CAPN3: variants seen among roughly 807,000 people sequenced by gnomAD.
CAPN3 encodes the protein calpain-3.
Under a neutral mutation model 114.0 loss-of-function variants are expected in CAPN3, and 88 were observed. The ratio of observed to expected loss-of-function variants is 0.77; its 90% CI spans 0.65 to 0.92. CAPN3 has a LOEUF of 0.92. Among genes scored for constraint, CAPN3 ranks in the 40% least tolerant of loss-of-function variants. CAPN3 has a pLI of 0.00. For synonymous variants in CAPN3, 386 were observed against 382.9 expected (o/e 1.01, Z -0.09); for missense variants, 1,028 against 1,069.0 (o/e 0.96, Z 0.53).
rs1358304887 is a variant in CAPN3, at chr15:42,409,341, G to T, written c.1953G>T (p.Gln651His). Residue 651 changes from glutamine to histidine, a missense_variant, in exon 17 of 24, where the codon CAG becomes CAT. By Grantham distance (24) the Gln-to-His change is conservative. Transcript: ENST00000397163. ...GCTCTGATCAGGAAAGTGAGGAACA[G>T]CAACAATTCCGGAACATTTTCAAGC... ...PGSSDQESEE[Q>H]QQFRNIFKQI... is the part of the protein sequence containing the mutation. 1 of 1,614,212 alleles carries T rather than the reference G, an allele frequency of 6.2e-7. No individual in the cohort carries two copies. The highest frequency in any genetic ancestry group is 8.5e-7 in the Non-Finnish European group (1 of 1,180,024).
chr15:42,378,694 T>G lies in CAPN3; in HGVS notation c.310-5789T>G, dbSNP rs371553242. ...TCTTTTCTTCTGCTTGCTTTAGGCT[T>G]AAGTATCTCTTCTATAGTGTACTAA... is the stretch of plus-strand genomic sequence containing the variant. On this transcript the variant is annotated intron_variant, in intron 1 of 23. Coordinates refer to ENST00000397163, the MANE Select transcript of CAPN3 (RefSeq NM_000070.3). Among the ~76,000 whole-genome samples, 287 of 152,228 alleles carry G rather than the reference T, an allele frequency of 1.9e-3. 1 individual carries two copies. Among genetic ancestry groups the G allele is most frequent in the African/African-American group, 6.5e-3 (270 of 41,568 alleles).
chr15:42,363,047 C>T (rs930389492), intron 1 of CAPN3, among the ~76,000 whole-genome samples: 1 of 152,066 alleles, frequency 6.6e-6, no homozygotes, highest in Non-Finnish European at 1.5e-5. Flanking sequence ...GAGAATTATT[C>T]CTGGCCAACT....
chr15:42,389,484 C>T (rs2053495020), intron 5 of CAPN3, among the ~76,000 whole-genome samples: 1 of 152,208 alleles, frequency 6.6e-6, no homozygotes, highest in Non-Finnish European at 1.5e-5. Flanking sequence ...ACCACACCTC[C>T]CCGCTTGAGA....
chr15:42,380,617 G>A (rs2053217189), intron 1 of CAPN3, among the ~76,000 whole-genome samples: 1 of 143,254 alleles, frequency 7.0e-6, no homozygotes, highest in Admixed American at 6.9e-5. Flanking sequence ...ATATATATAT[G>A]TATGTATATG....
intron 8 of CAPN3, among the ~76,000 whole-genome samples, chr15:42,394,944 T>G (rs926654472): frequency 2.0e-5 from 3 of 152,188 alleles, no homozygotes; most frequent in Admixed American, 6.5e-5. Context: ...GGTTCCTGAT[T>G]ACCTCCACTG....
At chr15:42,404,074 A>G in intron 14 of CAPN3, 1 of 540,724 alleles carries the variant, frequency 1.8e-6, no homozygotes, top group Non-Finnish European at 3.6e-6. Context: ...GGATGACAAG[A>G]GCCGCAGCGA....
chr15:42,371,646 G>C (rs1002199412), intron 1 of CAPN3, among the ~76,000 whole-genome samples: 5 of 152,104 alleles, frequency 3.3e-5, no homozygotes, highest in African/African-American at 4.8e-5. Flanking sequence ...CCCACCTTGT[G>C]ACTTGCCTCT....
Position 42,411,865 on chromosome 15 carries a change from C to T in CAPN3, c.*92C>T, listed in dbSNP as rs993772857. 1.2e-6 allele frequency: 2 copies of T among 1,607,930 alleles called. No individual in the cohort carries two copies. The highest frequency in any genetic ancestry group is 1.7e-5 in the Admixed American group (1 of 58,782). On this transcript the variant is annotated 3_prime_UTR_variant, in exon 24 of 24. Transcript: ENST00000397163. The stretch of plus-strand genomic sequence containing the variant: ...AAGCCATTTACCTCAAAGGACCCAG[C>T]AGCTACACCCCTACAGGCTTCCAGG...
At chr15:42,409,406 C>T (rs751772655) in intron 17 of CAPN3, 26 bp downstream of exon 17, 7 of 1,585,272 alleles carry the variant, frequency 4.4e-6, no homozygotes, top group East Asian at 2.2e-5. Context: ...CCCAGGACGC[C>T]CACAGGTGCT....
intron 1 of CAPN3, among the ~76,000 whole-genome samples, chr15:42,364,559 T>C (rs2052730559): frequency 6.6e-6 from 1 of 152,228 alleles, no homozygotes; most frequent in Non-Finnish European, 1.5e-5. Flanking sequence ...CATCTCAGCA[T>C]GAGGATGTGT....
intron 9 of CAPN3, among the ~76,000 whole-genome samples, chr15:42,398,685 G>A (rs2053776613): frequency 1.6e-5 from 2 of 125,362 alleles, no homozygotes; most frequent in African/African-American, 3.9e-5. Context: ...ACACACGTCT[G>A]TATATATATG....
intron 7 of CAPN3, among the ~76,000 whole-genome samples, chr15:42,393,405 G>A (rs2053610081): frequency 6.6e-6 from 1 of 152,096 alleles, no homozygotes; most frequent in East Asian, 1.9e-4. Flanking sequence ...TGGGACTTCT[G>A]GGTTTTCCTG....
intron 1 of CAPN3, among the ~76,000 whole-genome samples, chr15:42,368,206 C>T (rs1163937481): frequency 6.6e-6 from 1 of 152,184 alleles, no homozygotes; most frequent in Non-Finnish European, 1.5e-5. Flanking sequence ...CTGAGTCACC[C>T]CACATGCCTG....
chr15:42,360,786 A>T (rs1432555084), intron 1 of CAPN3, among the ~76,000 whole-genome samples: 1 of 152,182 alleles, frequency 6.6e-6, no homozygotes, highest in Admixed American at 6.5e-5. Context: ...CTGTTTTAGG[A>T]AACTCTCCCA....
chr15:42,400,390 A>G (rs2141195795), intron 10 of CAPN3, among the ~76,000 whole-genome samples: 1 of 152,298 alleles, frequency 6.6e-6, no homozygotes, highest in South Asian at 2.1e-4. Flanking sequence ...AAGGAAGAAG[A>G]ATGATGTCAA....
At chr15:42,369,292 G>A (rs912452335) in intron 1 of CAPN3, among the ~76,000 whole-genome samples, 1 of 152,154 alleles carries the variant, frequency 6.6e-6, no homozygotes, top group Non-Finnish European at 1.5e-5. Context: ...CCATTAGGCT[G>A]ATGCCCTTTG....
intron 1 of CAPN3, among the ~76,000 whole-genome samples, chr15:42,374,043 C>T: frequency 6.6e-6 from 1 of 152,182 alleles, no homozygotes; most frequent in Non-Finnish European, 1.5e-5. Flanking sequence ...CCACTGCGGT[C>T]TGTCCTGAGG....
chr15:42,404,755 C>T (rs2053971835), intron 14 of CAPN3: 6 of 1,132,156 alleles, frequency 5.3e-6, no homozygotes, highest in Non-Finnish European at 6.6e-6. Flanking sequence ...TCTGAACTGT[C>T]TTCTGGGCAG....
In CAPN3 at chr15:42,411,810, T is replaced by C; in HGVS notation, c.*37T>C. 2 of 1,611,978 alleles carry C rather than the reference T, an allele frequency of 1.2e-6. No homozygotes were observed. Among genetic ancestry groups the C allele is most frequent in the African/African-American group, 2.7e-5 (2 of 74,620 alleles). On this transcript the variant is annotated 3_prime_UTR_variant, in exon 24 of 24. Transcript: ENST00000397163. ...CTCATCCAAAGCCATGCAGGATCAC[T>C]CAGGATTTCAGTTTCACCCTCTATT...
Sources: gnomAD v4.1 joint callset for allele counts (sites outside exome capture counted in the v4.1 genomes callset) on GRCh38, gnomAD v4.1.1 for gene constraint, MANE v1.5 for transcripts, NCBI Gene and HGNC (gene_info 2026-07-23, HGNC 2026-07-21) for gene names.